Variants in TBL1XR1 observed in about 807,000 individuals in gnomAD.
The protein encoded by TBL1XR1 is TBL1X/Y related 1.
A neutral mutation model predicts 66.9 loss-of-function variants in TBL1XR1; 5 were observed. That is an observed-to-expected ratio of 0.07 (90% confidence interval 0.04 to 0.16). TBL1XR1 has a LOEUF of 0.16. Among genes scored for constraint, TBL1XR1 ranks in the 10% least tolerant of loss-of-function variants. TBL1XR1 has a pLI of 1.00. For missense variants in TBL1XR1, 238 were observed against 623.2 expected (o/e 0.38, Z 6.58); for synonymous variants, 210 against 206.0 (o/e 1.02, Z -0.17).
At chr3:177,145,192 T>C (rs1444385131) in intron 1 of TBL1XR1, among the ~76,000 whole-genome samples, 10 of 114,908 alleles carry the variant, frequency 8.7e-5, no homozygotes, top group Non-Finnish European at 1.4e-4. Context: ...TATAATCCTA[T>C]GTGATCTACA....
At chr3:177,168,958 C>T (rs1733143636) in intron 1 of TBL1XR1, among the ~76,000 whole-genome samples, 1 of 152,106 alleles carries the variant, frequency 6.6e-6, no homozygotes, top group Non-Finnish European at 1.5e-5. Flanking sequence ...TCCAACTACC[C>T]TCTAGTCAGT....
chr3:177,197,960 G>A (rs1252180610), upstream of TBL1XR1, among the ~76,000 whole-genome samples: 1 of 151,098 alleles, frequency 6.6e-6, no homozygotes, highest in Non-Finnish European at 1.5e-5. Flanking sequence ...GGAGCCGCCG[G>A]CGAAGTTTCC....
chr3:177,135,483 A>G (rs1395477977), intron 1 of TBL1XR1, among the ~76,000 whole-genome samples: 1 of 148,852 alleles, frequency 6.7e-6, no homozygotes, highest in Non-Finnish European at 1.5e-5. Flanking sequence ...AGCCGGGTTC[A>G]CACCATTCTC....
intron 10 of TBL1XR1, among the ~76,000 whole-genome samples, chr3:177,045,702 A>G (rs1716238386): frequency 1.3e-5 from 2 of 152,284 alleles, no homozygotes; most frequent in Non-Finnish European, 2.9e-5. Context: ...ATTTTCATGT[A>G]TATCATTTAG....
rs1476105283 is a variant in TBL1XR1 at position 177,090,348 on chromosome 3, A to G, written c.-46+8118T>C. Among the ~76,000 whole-genome samples the G allele has an allele frequency of 5.3e-5, 8 of 152,092 alleles. No homozygotes were observed. In the South Asian group the frequency reaches 1.5e-3, roughly 28 times the overall value. On this transcript the variant is annotated intron_variant, in intron 2 of 15. Transcript: ENST00000457928. ...TGATTATAAAACAAAATAAAAACAA[A>G]TATTTTTAAATTCTAAATACTAAAA...
chr3:177,154,487 C>G (rs1731261101), intron 1 of TBL1XR1, among the ~76,000 whole-genome samples: 1 of 152,012 alleles, frequency 6.6e-6, no homozygotes, highest in Non-Finnish European at 1.5e-5. Flanking sequence ...ACTTGTACCT[C>G]CCAGGTTCAA....
At chr3:177,029,119 GAA>G in intron 14 of TBL1XR1, among the ~76,000 whole-genome samples, 1 of 138,442 alleles carries the variant, frequency 7.2e-6, no homozygotes, top group African/African-American at 2.6e-5. Context: ...ATTAAGCTAT[GAA>G]AAAAAAAAAA....
intron 1 of TBL1XR1, among the ~76,000 whole-genome samples, chr3:177,122,037 G>A (rs1471995424): frequency 6.6e-6 from 1 of 152,024 alleles, no homozygotes; most frequent in Non-Finnish European, 1.5e-5. Flanking sequence ...CTGATGTGAA[G>A]GTGAAACCAT....
chr3:177,078,195 A>C, intron 2 of TBL1XR1, among the ~76,000 whole-genome samples: 1 of 152,238 alleles, frequency 6.6e-6, no homozygotes, highest in East Asian at 1.9e-4. Flanking sequence ...TGTTTTAACA[A>C]AACAAATCAG....
At chr3:177,152,587 G>A (rs951046676) in intron 1 of TBL1XR1, among the ~76,000 whole-genome samples, 3 of 152,070 alleles carry the variant, frequency 2.0e-5, no homozygotes, top group Non-Finnish European at 2.9e-5. Context: ...CATGGTGCCC[G>A]GCCGCCCTAC....
Position 177,183,860 on chromosome 3 carries a change from G to A in TBL1XR1, c.-122+13261C>T, listed in dbSNP as rs567465326. Among the ~76,000 whole-genome samples, 292 of 152,038 alleles carry A rather than the reference G, an allele frequency of 1.9e-3. 1 individual carries two copies. Among genetic ancestry groups the A allele is most frequent in the African/African-American group, 6.7e-3 (280 of 41,492 alleles). On this transcript the variant is annotated intron_variant, in intron 1 of 15. Transcript: ENST00000457928. ...CTCACGCCTGTAATCCCAGCACTTCGGGAGGCCAAGGCAAGGTGGATCACC... is the reference window on the plus strand; with the variant it reads ...CTCACGCCTGTAATCCCAGCACTTCAGGAGGCCAAGGCAAGGTGGATCACC...
intron 1 of TBL1XR1, among the ~76,000 whole-genome samples, chr3:177,115,785 T>G (rs1328871266): frequency 6.6e-6 from 1 of 152,224 alleles, no homozygotes; most frequent in African/African-American, 2.4e-5. Context: ...CTTAATTAAC[T>G]ATTCATTTAA....
intron 2 of TBL1XR1, among the ~76,000 whole-genome samples, chr3:177,069,275 T>C (rs1042183734): frequency 3.3e-5 from 5 of 152,158 alleles, no homozygotes; most frequent in African/African-American, 1.2e-4. Context: ...AAAAATGTAT[T>C]AGAAGACCAA....
At chr3:177,117,860 T>A (rs551306203) in intron 1 of TBL1XR1, among the ~76,000 whole-genome samples, 16 of 152,088 alleles carry the variant, frequency 1.1e-4, no homozygotes, top group Non-Finnish European at 2.4e-4. Context: ...ATGGGTTCAA[T>A]GGGAAGGAAA....
rs6784899 is a variant in TBL1XR1, at chr3:177,047,645, A to C, written c.703-96T>G. 3.0e-4 allele frequency: 406 copies of C among 1,361,280 alleles called. 2 individuals carry two copies. In the African/African-American group the frequency reaches 5.6e-3, roughly 19 times the overall value. The allele number at this position is 1,361,280 out of a possible 1,614,324, so 84.3% of individuals were successfully genotyped here. ...TGTTTAAATCCCAGGTACAGAAGAG[A>C]ATGAAGACATTCTCTGCTTCAAAAC... is the stretch of plus-strand genomic sequence containing the variant. On this transcript the variant is annotated intron_variant, in intron 7 of 15. Coordinates refer to ENST00000457928, the MANE Select transcript of TBL1XR1 (RefSeq NM_024665.7).
chr3:177,143,296 T>C (rs1230089993), intron 1 of TBL1XR1, among the ~76,000 whole-genome samples: 1 of 151,978 alleles, frequency 6.6e-6, no homozygotes, highest in Non-Finnish European at 1.5e-5. Flanking sequence ...GTAGGAGCGA[T>C]GCTCAGTATT....
intron 2 of TBL1XR1, among the ~76,000 whole-genome samples, chr3:177,072,987 C>G (rs1720239027): frequency 1.3e-5 from 2 of 151,924 alleles, no homozygotes; most frequent in Non-Finnish European, 2.9e-5. Flanking sequence ...TCGCTTGAAC[C>G]CAGGAGGTGG....
intron 1 of TBL1XR1, among the ~76,000 whole-genome samples, chr3:177,142,429 G>A (rs781718353): frequency 8.5e-5 from 13 of 152,100 alleles, no homozygotes; most frequent in Admixed American, 7.9e-4. Context: ...TTGTTGTCAC[G>A]GAAAGGGACA....
chr3:177,133,315 A>G (rs951094249), intron 1 of TBL1XR1, among the ~76,000 whole-genome samples: 5 of 152,106 alleles, frequency 3.3e-5, no homozygotes, highest in African/African-American at 1.2e-4. Context: ...TAAATAAAAT[A>G]AATAAACGAA....
Sources: allele counts gnomAD v4.1 joint callset (sites outside exome capture counted in the v4.1 genomes callset), GRCh38; gene constraint gnomAD v4.1.1; transcripts MANE v1.5; gene names NCBI Gene and HGNC (gene_info 2026-07-23, HGNC 2026-07-21).